Variants in KCNK10 observed in about 807,000 individuals in gnomAD.
KCNK10 encodes the protein potassium two pore domain channel subfamily K member 10.
KCNK10 carries 25 observed loss-of-function variants against 47.7 expected under a neutral mutation model. The observed-to-expected ratio is 0.52, with a 90% CI of 0.38 to 0.73. The LOEUF (loss-of-function observed/expected upper bound fraction) is 0.73. Among genes scored for constraint, KCNK10 ranks in the 30% least tolerant of loss-of-function variants. The pLI is 0.00. For synonymous variants in KCNK10, 303 were observed against 285.6 expected (o/e 1.06, Z -0.61); for missense variants, 563 against 714.5 (o/e 0.79, Z 2.42).
intron 4 of KCNK10, among the ~76,000 whole-genome samples, chr14:88,211,140 T>C (rs1885443332): frequency 6.6e-6 from 1 of 152,130 alleles, no homozygotes; most frequent in South Asian, 2.1e-4. Context: ...AGGCAAAATG[T>C]GGTATATACA....
chr14:88,315,300 T>C (rs1888407995), intron 1 of KCNK10, among the ~76,000 whole-genome samples: 1 of 152,186 alleles, frequency 6.6e-6, no homozygotes, highest in Non-Finnish European at 1.5e-5. Flanking sequence ...CCCAGGTTAG[T>C]CCACAGTTAA....
At chr14:88,276,842 C>G (rs1014790480) in intron 1 of KCNK10, among the ~76,000 whole-genome samples, 1 of 152,264 alleles carries the variant, frequency 6.6e-6, no homozygotes, top group Non-Finnish European at 1.5e-5. Flanking sequence ...CTCTGCTCAG[C>G]TACAGCTGTC....
intron 4 of KCNK10, among the ~76,000 whole-genome samples, chr14:88,220,003 G>A (rs1027089124): frequency 1.3e-5 from 2 of 151,712 alleles, no homozygotes; most frequent in African/African-American, 4.9e-5. Context: ...TGAGACAGAA[G>A]GGGAAATCTA....
chr14:88,187,538 T>A (rs1018953806), intron 6 of KCNK10, among the ~76,000 whole-genome samples: 1 of 152,160 alleles, frequency 6.6e-6, no homozygotes, highest in Non-Finnish European at 1.5e-5. Context: ...CAATGTTCGA[T>A]GATTTCAGTT....
intron 3 of KCNK10, among the ~76,000 whole-genome samples, chr14:88,229,881 C>T (rs1278148884): frequency 2.0e-5 from 3 of 152,108 alleles, no homozygotes; most frequent in Non-Finnish European, 4.4e-5. Flanking sequence ...CTCTGACTGC[C>T]CTGCTCATCC....
At chr14:88,214,391 CAGGTTGTACAAAGT>C (rs1282194847) in intron 4 of KCNK10, among the ~76,000 whole-genome samples, 1 of 152,138 alleles carries the variant, frequency 6.6e-6, no homozygotes, top group Non-Finnish European at 1.5e-5. Flanking sequence ...TAACATTAAG[CAGGTTGTACAAAGT>C]AGAGCAGTGG....
upstream of KCNK10, among the ~76,000 whole-genome samples, chr14:88,324,401 A>G (rs373067426): frequency 1.4e-3 from 219 of 152,344 alleles, 1 homozygote; most frequent in African/African-American, 5.1e-3. Flanking sequence ...TACACGTAGT[A>G]GGTGCTCAAG....
chr14:88,216,615 C>T (rs1159366665), intron 4 of KCNK10, among the ~76,000 whole-genome samples: 1 of 152,126 alleles, frequency 6.6e-6, no homozygotes, highest in Non-Finnish European at 1.5e-5. Flanking sequence ...GAAAAACTGT[C>T]ATGGACTGTC....
chr14:88,297,733 T>C (rs1388785171), intron 1 of KCNK10, among the ~76,000 whole-genome samples: 1 of 152,174 alleles, frequency 6.6e-6, no homozygotes, highest in Non-Finnish European at 1.5e-5. Flanking sequence ...TCCCAAGAAT[T>C]GCTTTGCCCT....
rs56194944 is a variant in KCNK10 at position 88,191,340 on chromosome 14, A to AACACACACAC, written c.868+874_868+883dup. Reference sequence around the variant, plus strand: ...CACTTCACCAGGAACTGGTAAAGGAAACACACACACACACACACACACACT... The same window carrying AACACACACAC: ...CACTTCACCAGGAACTGGTAAAGGAAACACACACACACACACACACACACACACACACACT... On this transcript the variant is annotated intron_variant, in intron 5 of 6. Coordinates refer to ENST00000319231, the MANE Select transcript of KCNK10 (RefSeq NM_138317.3). 1.5e-3 allele frequency among the ~76,000 whole-genome samples: 229 copies of AACACACACAC among 150,060 alleles called. 1 individual carries two copies. Among genetic ancestry groups the AACACACACAC allele is most frequent in the African/African-American group, 4.2e-3 (171 of 40,964 alleles).
chr14:88,265,479 C>T (rs1266282824), intron 1 of KCNK10, among the ~76,000 whole-genome samples: 7 of 152,176 alleles, frequency 4.6e-5, no homozygotes, highest in Non-Finnish European at 8.8e-5. Context: ...ACCTGTACTG[C>T]TTACTCTTTG....
rs190557650 is a variant in KCNK10 at position 88,317,607 on chromosome 14, C to T, written c.52+5140G>A. 1.7e-3 allele frequency among the ~76,000 whole-genome samples: 257 copies of T among 152,330 alleles called. 1 individual carries two copies. Among genetic ancestry groups the T allele is most frequent in the Non-Finnish European group, 2.1e-3 (143 of 68,030 alleles). On this transcript the variant is annotated intron_variant, in intron 1 of 6. Coordinates refer to ENST00000319231, the MANE Select transcript of KCNK10 (RefSeq NM_138317.3). Reference sequence around the variant, plus strand: ...AAAGCTTGAAGGAAACTGTCATGGACGTAAGCATCAAAAGGCCTAGGGTAG... The same window carrying T: ...AAAGCTTGAAGGAAACTGTCATGGATGTAAGCATCAAAAGGCCTAGGGTAG...
chr14:88,214,444 G>T (rs1885557437), intron 4 of KCNK10, among the ~76,000 whole-genome samples: 2 of 152,336 alleles, frequency 1.3e-5, no homozygotes, highest in South Asian at 4.1e-4. Flanking sequence ...GACTATCTTT[G>T]CCTGGCAACT....
rs1410679625 is a variant in KCNK10 at position 88,263,505 on chromosome 14, A to G, written c.99T>C (p.Thr33=). 1 of 1,613,424 alleles carries G rather than the reference A, an allele frequency of 6.2e-7. No homozygotes were observed. The highest frequency in any genetic ancestry group is 1.1e-5 in the South Asian group (1 of 91,072). The change falls in exon 2 of 7, where the codon ACT becomes ACC. Residue 33 remains threonine (T), a synonymous_variant. Coordinates refer to ENST00000319231, the MANE Select transcript of KCNK10 (RefSeq NM_138317.3). The part of the protein sequence containing the change: ...AAPVCQPKSA[T]NGQPPAPAPT... ...GAGCCGGAGCCGGGGGTTGCCCGTT[A>G]GTGGCGCTCTTGGGCTGGCACACCG...
At chr14:88,217,431 T>C (rs1191710362) in intron 4 of KCNK10, among the ~76,000 whole-genome samples, 1 of 152,208 alleles carries the variant, frequency 6.6e-6, no homozygotes, top group Non-Finnish European at 1.5e-5. Flanking sequence ...CCAAGACCCT[T>C]GAACATTTTC....
intron 4 of KCNK10, among the ~76,000 whole-genome samples, chr14:88,213,893 C>T (rs1885534227): frequency 4.7e-5 from 7 of 150,016 alleles, no homozygotes; most frequent in Admixed American, 4.7e-4. Flanking sequence ...TGGTGATGGT[C>T]TCAAACTCTA....
chr14:88,294,717 C>T (rs1450305249), intron 1 of KCNK10, among the ~76,000 whole-genome samples: 1 of 152,168 alleles, frequency 6.6e-6, no homozygotes, highest in African/African-American at 2.4e-5. Flanking sequence ...ATACAAATTC[C>T]AGCAGCAAAG....
chr14:88,190,813 C>A (rs56076319), intron 5 of KCNK10, among the ~76,000 whole-genome samples: 6 of 152,004 alleles, frequency 3.9e-5, no homozygotes, highest in Non-Finnish European at 8.8e-5. Flanking sequence ...CAGGGAGGCA[C>A]GCATGCCCCT....
At chr14:88,194,133 A>G (rs1246796892) in intron 4 of KCNK10, among the ~76,000 whole-genome samples, 1 of 151,812 alleles carries the variant, frequency 6.6e-6, no homozygotes, top group African/African-American at 2.4e-5. Flanking sequence ...AAGCCATCTG[A>G]AAAAAAAATT....
Sources: gnomAD v4.1 joint callset for allele counts (sites outside exome capture counted in the v4.1 genomes callset) on GRCh38, gnomAD v4.1.1 for gene constraint, MANE v1.5 for transcripts, NCBI Gene and HGNC (gene_info 2026-07-23, HGNC 2026-07-21) for gene names.